The following BRCA1 variants were observed in gnomAD, a reference collection of about 807,000 sequenced individuals.
BRCA1 encodes breast cancer type 1 susceptibility protein.
A neutral mutation model predicts 173.7 loss-of-function variants in BRCA1; 140 were observed. The ratio of observed to expected loss-of-function variants is 0.81; its 90% CI spans 0.70 to 0.93. The LOEUF (loss-of-function observed/expected upper bound fraction) is 0.93, where lower values mean the gene tolerates loss of function less well. Among genes scored for constraint, BRCA1 ranks in the 40% least tolerant of loss-of-function variants. The pLI is 0.00. For missense variants in BRCA1, 1,983 were observed against 2,172.5 expected (o/e 0.91, Z 1.73); for synonymous variants, 662 against 756.0 (o/e 0.88, Z 2.04).
intron 19 of BRCA1, among the ~76,000 whole-genome samples, chr17:43,054,292 G>A (rs1368119274): frequency 1.3e-5 from 2 of 152,166 alleles, no homozygotes; most frequent in Non-Finnish European, 2.9e-5. Context: ...TACTTGATAG[G>A]CTCAGAAGGT....
intron 14 of BRCA1, among the ~76,000 whole-genome samples, chr17:43,072,875 GTT>G (rs533819030): frequency 7.0e-6 from 1 of 142,894 alleles, no homozygotes; most frequent in African/African-American, 2.6e-5. Flanking sequence ...GCCCCAGCTA[GTT>G]TTTTTTTTTT....
At chr17:43,153,116 A>G (rs1009024892) in intron 1 of BRCA1, among the ~76,000 whole-genome samples, 6 of 152,232 alleles carry the variant, frequency 3.9e-5, no homozygotes, top group Admixed American at 6.5e-5. Context: ...TTCTGGATTT[A>G]GGAGACGAAC....
chr17:43,056,542 C>A (rs1224088404), intron 19 of BRCA1, among the ~76,000 whole-genome samples: 2 of 152,082 alleles, frequency 1.3e-5, no homozygotes, highest in African/African-American at 4.8e-5. Flanking sequence ...CCTATCCCAG[C>A]ACTTGGGGAG....
chr17:43,159,394 C>T (rs189138470), intron 1 of BRCA1: 2,124 of 157,260 alleles, frequency 0.014, 51 homozygotes, highest in African/African-American at 0.048. Context: ...CCGGACGGGG[C>T]GGCTGGCCTG....
intron 1 of BRCA1, among the ~76,000 whole-genome samples, chr17:43,137,012 C>G (rs1359864724): frequency 6.6e-6 from 1 of 151,974 alleles, no homozygotes; most frequent in Non-Finnish European, 1.5e-5. Flanking sequence ...TTCACAATAG[C>G]AAAGACTTGG....
At chr17:43,100,526 A>G (rs570828029) in intron 6 of BRCA1, among the ~76,000 whole-genome samples, 19 of 124,534 alleles carry the variant, frequency 1.5e-4, no homozygotes, top group African/African-American at 2.3e-4. Flanking sequence ...GTGTGTGTGT[A>G]TATATATATA....
chr17:43,120,009 TG>T (rs1230038131), intron 2 of BRCA1, among the ~76,000 whole-genome samples: 1 of 152,202 alleles, frequency 6.6e-6, no homozygotes, highest in East Asian at 1.9e-4. Flanking sequence ...ACTATAAAAA[TG>T]ATTCAAATAT....
At chr17:43,137,255 C>T (rs532818284) in intron 1 of BRCA1, among the ~76,000 whole-genome samples, 24 of 120,806 alleles carry the variant, frequency 2.0e-4, no homozygotes, top group Non-Finnish European at 3.8e-4. Flanking sequence ...GGGTGGGGAA[C>T]ATCACACACC....
chr17:43,151,974 T>C (rs1301000190), intron 1 of BRCA1, among the ~76,000 whole-genome samples: 2 of 152,218 alleles, frequency 1.3e-5, no homozygotes, highest in Non-Finnish European at 1.5e-5. Flanking sequence ...CTAAGCACTT[T>C]ACATGCATTA....
intron 6 of BRCA1, among the ~76,000 whole-genome samples, chr17:43,102,341 G>GA (rs2054514929): frequency 6.8e-6 from 1 of 146,050 alleles, no homozygotes; most frequent in Admixed American, 6.9e-5. Context: ...AAAGTGCTGG[G>GA]ATTACAGGCG....
At chr17:43,124,171 A>G in intron 1 of BRCA1, 56 bp from the exon 2 acceptor site, 1 of 1,025,500 alleles carries the variant, frequency 9.8e-7, no homozygotes, top group Non-Finnish European at 1.5e-6. Flanking sequence ...TTATAAAATG[A>G]CAACTTCATT....
At chr17:43,166,248 T>G (rs2056267609) in intron 1 of BRCA1, 1 of 151,966 alleles carries the variant, frequency 6.6e-6, no homozygotes, top group African/African-American at 2.4e-5. Flanking sequence ...CTCTGTCTCT[T>G]TCCTTTCTCT....
rs117771615 is a variant in BRCA1, at chr17:43,141,126, C to T, written c.-19-17011G>A. On this transcript the variant is annotated intron_variant, in intron 1 of 7. Transcript: ENST00000634433. ...ATGTTTTGTTCCACCTGACCCTGGG[C>T]ACCCCTCCCCCTCCCAGGCTACTGG... Among the ~76,000 whole-genome samples, 8 of 152,242 alleles carry T rather than the reference C, an allele frequency of 5.3e-5. No individual in the cohort carries two copies. The East Asian group carries it at 7.7e-4, about 15-fold the overall frequency.
At chr17:43,158,978 G>A (rs954648734) in intron 1 of BRCA1, among the ~76,000 whole-genome samples, 1 of 152,200 alleles carries the variant, frequency 6.6e-6, no homozygotes, top group African/African-American at 2.4e-5. Context: ...GCTCATACCT[G>A]TAATCCCAGC....
rs397509100 is a variant in BRCA1, at chr17:43,091,773, G to C, written c.3758C>G (p.Ser1253Cys). The C allele has an allele frequency of 1.9e-5, 30 of 1,613,886 alleles. No homozygotes were observed. The highest frequency in any genetic ancestry group is 2.4e-5 in the Non-Finnish European group (28 of 1,179,900). ...RHSTVATECLSKNTEENLLSL... is the reference protein window; with the variant it reads ...RHSTVATECLCKNTEENLLSL... ...TAATAAATTCTCCTCTGTGTTCTTA[G>C]ACAGACACTCGGTAGCAACGGTGCT... Residue 1253 changes from serine to cysteine, a missense_variant, in exon 10 of 23, where the codon TCT becomes TGT. Physicochemically the swap from Ser to Cys is moderately radical, Grantham distance 112 (BLOSUM62 -1). Transcript: ENST00000357654.
rs2050836783 is a variant in BRCA1, at chr17:43,045,369, A to G, written c.*309T>C. The G allele has an allele frequency of 6.6e-6, 4 of 603,546 alleles. No individual in the cohort carries two copies. The highest frequency in any genetic ancestry group is 1.2e-5 in the Non-Finnish European group (4 of 322,782). The allele number at this position is 603,546 out of a possible 1,614,324, so 37.4% of individuals were successfully genotyped here. ...GCCAACAACAGCCTGAATAGAAAGAATAGGGCTGATAAATAATGAATCAGC... is the reference window on the plus strand; with the variant it reads ...GCCAACAACAGCCTGAATAGAAAGAGTAGGGCTGATAAATAATGAATCAGC... On this transcript the variant is annotated 3_prime_UTR_variant, in exon 23 of 23. Transcript: ENST00000357654.
chr17:43,170,052 C>A (rs1939032733), intron 1 of BRCA1: 4 of 409,712 alleles, frequency 9.8e-6, no homozygotes, highest in Non-Finnish European at 1.5e-5. Flanking sequence ...AGAGTAGATG[C>A]AGGCAAGCTG....
chr17:43,068,465 C>T (rs185926119), intron 15 of BRCA1, among the ~76,000 whole-genome samples: 33 of 151,244 alleles, frequency 2.2e-4, no homozygotes, highest in African/African-American at 6.3e-4. Flanking sequence ...AATCCCAGCA[C>T]TTTGGGAAGC....
In BRCA1 at chr17:43,049,192, G is replaced by C. The variant is rs397509267; in HGVS notation, c.5335C>G (p.Gln1779Glu). 1.9e-6 allele frequency: 3 copies of C among 1,613,788 alleles called. No individual in the cohort carries two copies. The highest frequency in any genetic ancestry group is 1.1e-5 in the South Asian group (1 of 91,070). The stretch of plus-strand genomic sequence containing the variant: ...CACAGCTGTACCATCCATTCCAGTT[G>C]ATCTAAAATGGACATTTAGATGTAA... ...YGPFTNMPTD[Q>E]LEWMVQLCGA... Residue 1779 changes from glutamine to glutamate, a missense_variant and splice_region_variant, in exon 21 of 23, where the codon CAA (glutamine) becomes GAA (glutamate). By Grantham distance (29) the Gln-to-Glu change is conservative (BLOSUM62 2). Transcript: ENST00000357654.
Sources: gnomAD v4.1 joint callset for allele counts (sites outside exome capture counted in the v4.1 genomes callset) on GRCh38, gnomAD v4.1.1 for gene constraint, MANE v1.5 for transcripts, NCBI Gene and HGNC (gene_info 2026-07-23, HGNC 2026-07-21) for gene names.